Variants in STK32A observed in about 807,000 individuals in gnomAD.
The protein encoded by STK32A is serine/threonine kinase 32A.
A neutral mutation model predicts 53.2 loss-of-function variants in STK32A; 41 were observed. The ratio of observed to expected loss-of-function variants is 0.77; its 90% CI spans 0.60 to 1.00. The LOEUF (loss-of-function observed/expected upper bound fraction) is 1.00. Among genes scored for constraint, STK32A ranks in the 50% least tolerant of loss-of-function variants. STK32A has a pLI of 0.00. For synonymous variants in STK32A, 166 were observed against 162.8 expected, an observed-to-expected ratio of 1.02 and a Z score of -0.15; for missense variants, 458 against 485.8, an observed-to-expected ratio of 0.94 and a Z score of 0.54.
intron 2 of STK32A, among the ~76,000 whole-genome samples, chr5:147,250,670 G>A (rs1001886554): frequency 5.9e-5 from 9 of 152,026 alleles, no homozygotes; most frequent in African/African-American, 1.2e-4. Context: ...GGCCCAGTGC[G>A]GTGGCTCACG....
chr5:147,238,183 C>T lies in STK32A; in HGVS notation c.-96-1356C>T, dbSNP rs114893760. On this transcript the variant is annotated intron_variant, in intron 1 of 12. Transcript: ENST00000397936. The stretch of plus-strand genomic sequence containing the variant: ...TTTTGTACAAAATCTAGACCTTTAC[C>T]CCATTTGGGGGATAGATCTGAAGAT... Among the ~76,000 whole-genome samples the T allele has an allele frequency of 8.5e-3, 1,288 of 152,274 alleles. 21 individuals carry two copies. Among genetic ancestry groups the T allele is most frequent in the Non-Finnish European group, 0.012 (794 of 68,032 alleles).
chr5:147,280,296 G>T (rs1475385770), intron 4 of STK32A, among the ~76,000 whole-genome samples: 1 of 151,950 alleles, frequency 6.6e-6, no homozygotes, highest in Non-Finnish European at 1.5e-5. Context: ...CAGACTCCGG[G>T]GGCAGGGGAT....
intron 8 of STK32A, among the ~76,000 whole-genome samples, chr5:147,366,016 T>G (rs1347045040): frequency 1.3e-5 from 2 of 151,916 alleles, no homozygotes; most frequent in African/African-American, 4.8e-5. Context: ...AAGAAACTAC[T>G]GTTGCTCCCC....
At chr5:147,332,538 T>C (rs1388971521) in intron 5 of STK32A, among the ~76,000 whole-genome samples, 1 of 152,182 alleles carries the variant, frequency 6.6e-6, no homozygotes, top group African/African-American at 2.4e-5. Context: ...TTTCAGTGTA[T>C]TGATAAAAGT....
chr5:147,399,105 C>T, the STK32A span: 48 of 1,614,016 alleles, frequency 3.0e-5, no homozygotes, highest in African/African-American at 4.0e-5. Flanking sequence ...TTGGCAGAGA[C>T]GATCTTCACA....
At chr5:147,354,194 A>G (rs896614609) in intron 7 of STK32A, among the ~76,000 whole-genome samples, 3 of 152,212 alleles carry the variant, frequency 2.0e-5, no homozygotes, top group Admixed American at 6.5e-5. Flanking sequence ...AATAATGGAC[A>G]TATATAATTC....
At chr5:147,351,548 A>G (rs1482927698) in intron 7 of STK32A, among the ~76,000 whole-genome samples, 1 of 152,020 alleles carries the variant, frequency 6.6e-6, no homozygotes, top group African/African-American at 2.4e-5. Flanking sequence ...AGATTTATAA[A>G]AAAAAAAGAA....
chr5:147,398,513 A>T, the STK32A span, among the ~76,000 whole-genome samples: 1 of 152,250 alleles, frequency 6.6e-6, no homozygotes, highest in Non-Finnish European at 1.5e-5. Context: ...TGCCTGAAAC[A>T]TAAGTGCTTA....
At position 147,332,936 on chromosome 5, in the gene STK32A, G is replaced by C. The variant is rs1754944651; in HGVS notation, c.434+8865G>C. Among the ~76,000 whole-genome samples the C allele has an allele frequency of 2.0e-5, 3 of 152,180 alleles. No homozygotes were observed. The South Asian group carries it at 6.2e-4, about 32-fold the overall frequency. The stretch of plus-strand genomic sequence containing the variant: ...CCATTTGTGAAAACCCATGTGAAAA[G>C]GCAAAGAGAACTGTCTGTGTACAGG... On this transcript the variant is annotated intron_variant, in intron 5 of 12. Transcript: ENST00000397936.
intron 2 of STK32A, among the ~76,000 whole-genome samples, chr5:147,255,014 C>T (rs189240128): frequency 0.011 from 1,643 of 152,160 alleles, 31 homozygotes; most frequent in African/African-American, 0.037. Flanking sequence ...GTGGCAGGCA[C>T]CTGTAGTCCC....
chr5:147,273,961 C>T (rs1190610624), intron 2 of STK32A, among the ~76,000 whole-genome samples: 1 of 152,174 alleles, frequency 6.6e-6, no homozygotes, highest in Non-Finnish European at 1.5e-5. Flanking sequence ...ACTGACCACC[C>T]TCATAAACAG....
At chr5:147,361,031 A>G (rs1252127445) in intron 7 of STK32A, among the ~76,000 whole-genome samples, 1 of 152,120 alleles carries the variant, frequency 6.6e-6, no homozygotes, top group Admixed American at 6.6e-5. Context: ...CTCATCCCCA[A>G]CAGATGGCTG....
the STK32A span, chr5:147,397,586 C>T: frequency 7.0e-7 from 1 of 1,422,954 alleles, no homozygotes; most frequent in East Asian, 2.3e-5. Context: ...ATCACAGTGC[C>T]CTGTGTTCAT....
intron 2 of STK32A, among the ~76,000 whole-genome samples, chr5:147,241,204 C>A (rs1004499197): frequency 6.6e-6 from 1 of 152,158 alleles, no homozygotes; most frequent in African/African-American, 2.4e-5. Context: ...ATGGGCCAGG[C>A]GCGGTGGCTC....
chr5:147,236,532 GA>G (rs113748421), intron 1 of STK32A, among the ~76,000 whole-genome samples: 11,155 of 149,020 alleles, frequency 0.075, 567 homozygotes, highest in African/African-American at 0.15. Context: ...TTCTGAATAT[GA>G]AAAAAAAAAT....
intron 10 of STK32A, among the ~76,000 whole-genome samples, chr5:147,374,144 C>T (rs1757126959): frequency 6.6e-6 from 1 of 151,818 alleles, no homozygotes; most frequent in South Asian, 2.1e-4. Context: ...AAAAATTAGG[C>T]AGGCGTGGTG....
intron 4 of STK32A, among the ~76,000 whole-genome samples, chr5:147,286,285 A>T (rs1752332623): frequency 6.6e-6 from 1 of 151,412 alleles, no homozygotes; most frequent in Non-Finnish European, 1.5e-5. Flanking sequence ...GAAGAGTGGG[A>T]GGGGGGCGAG....
At chr5:147,350,804 A>G (rs903228801) in intron 6 of STK32A, among the ~76,000 whole-genome samples, 15 of 152,230 alleles carry the variant, frequency 9.9e-5, no homozygotes, top group African/African-American at 3.6e-4. Flanking sequence ...AAAGATGCCT[A>G]ACTAGAATTA....
At chr5:147,315,092 T>C (rs768109684) in intron 4 of STK32A, among the ~76,000 whole-genome samples, 1 of 152,118 alleles carries the variant, frequency 6.6e-6, no homozygotes, top group African/African-American at 2.4e-5. Context: ...GGAGAGGATG[T>C]AGAGAAACTG....
Sources: gnomAD v4.1 joint callset for allele counts (sites outside exome capture counted in the v4.1 genomes callset) on GRCh38, gnomAD v4.1.1 for gene constraint, MANE v1.5 for transcripts, NCBI Gene and HGNC (gene_info 2026-07-23, HGNC 2026-07-21) for gene names.